The following MAGI2 variants were observed in gnomAD, a reference collection of about 807,000 sequenced individuals.
MAGI2 encodes the protein membrane associated guanylate kinase, WW and PDZ domain containing 2.
MAGI2 carries 35 observed loss-of-function variants against 133.3 expected under a neutral mutation model. The ratio of observed to expected loss-of-function variants is 0.26; its 90% confidence interval spans 0.20 to 0.35. The LOEUF is 0.35. MAGI2 is among the 10% of genes least tolerant of loss of function. The pLI is 1.00. For missense variants in MAGI2, 1,636 were observed against 1,863.4 expected, an observed-to-expected ratio of 0.88 and a Z score of 2.25; for synonymous variants, 729 against 710.6, an observed-to-expected ratio of 1.03 and a Z score of -0.41.
At chr7:78,282,740 C>G (rs1795748225) in intron 9 of MAGI2, among the ~76,000 whole-genome samples, 1 of 152,022 alleles carries the variant, frequency 6.6e-6, no homozygotes, top group Admixed American at 6.6e-5. Context: ...GGTGATTCAA[C>G]TGATCAATCT....
intron 6 of MAGI2, among the ~76,000 whole-genome samples, chr7:78,394,620 C>G (rs1219054650): frequency 6.6e-6 from 1 of 152,228 alleles, no homozygotes; most frequent in Non-Finnish European, 1.5e-5. Context: ...GACCACCATT[C>G]TTAGCAAAAT....
intron 6 of MAGI2, among the ~76,000 whole-genome samples, chr7:78,398,408 C>T (rs906556164): frequency 9.2e-5 from 14 of 152,158 alleles, no homozygotes; most frequent in South Asian, 4.2e-4. Context: ...ACGAGTCTAC[C>T]GTCTCTTATT....
chr7:78,463,582 C>T (rs148368435), intron 6 of MAGI2, among the ~76,000 whole-genome samples: 5 of 152,116 alleles, frequency 3.3e-5, no homozygotes, highest in Admixed American at 3.3e-4. Context: ...GGAGTAGATG[C>T]TACCATGTGA....
intron 15 of MAGI2, among the ~76,000 whole-genome samples, chr7:78,163,469 C>T (rs371694783): frequency 3.9e-4 from 60 of 152,162 alleles, no homozygotes; most frequent in African/African-American, 1.4e-3. Context: ...TAAGCTGTTT[C>T]GTCTCCACCA....
At chr7:78,203,012 A>G (rs776269492) in intron 10 of MAGI2, among the ~76,000 whole-genome samples, 1 of 152,236 alleles carries the variant, frequency 6.6e-6, no homozygotes, top group Non-Finnish European at 1.5e-5. Context: ...CATGAGTTTA[A>G]AAGTGAAACA....
At chr7:79,334,499 G>T (rs1236698141) in intron 1 of MAGI2, among the ~76,000 whole-genome samples, 2 of 152,034 alleles carry the variant, frequency 1.3e-5, no homozygotes, top group Non-Finnish European at 2.9e-5. Flanking sequence ...AGCAACATCT[G>T]GTACCACTGG....
chr7:78,500,663 C>T (rs906901297), intron 5 of MAGI2, among the ~76,000 whole-genome samples: 1 of 152,116 alleles, frequency 6.6e-6, no homozygotes, highest in South Asian at 2.1e-4. Context: ...TCAGGATTTG[C>T]ACTACAGTTT....
chr7:78,681,751 A>G (rs1314058315), intron 2 of MAGI2, among the ~76,000 whole-genome samples: 1 of 152,194 alleles, frequency 6.6e-6, no homozygotes, highest in Non-Finnish European at 1.5e-5. Context: ...TTGACAGAGT[A>G]AGGAGAGAAG....
At chr7:79,448,745 C>T (rs1282469450) in intron 1 of MAGI2, among the ~76,000 whole-genome samples, 1 of 151,984 alleles carries the variant, frequency 6.6e-6, no homozygotes, top group African/African-American at 2.4e-5. Context: ...TGTGAATATG[C>T]TTTTCTCATT....
At chr7:78,040,331 G>A (rs1345619307) in intron 21 of MAGI2, among the ~76,000 whole-genome samples, 1 of 125,516 alleles carries the variant, frequency 8.0e-6, no homozygotes, top group Non-Finnish European at 1.8e-5. Flanking sequence ...TCCAAGCAGA[G>A]CGAGGATGAG....
chr7:78,423,501 T>C (rs557449935), intron 6 of MAGI2, among the ~76,000 whole-genome samples: 3 of 152,306 alleles, frequency 2.0e-5, no homozygotes, highest in Non-Finnish European at 4.4e-5. Context: ...GCTGAAAAGA[T>C]ACCTGAAAAT....
intron 3 of MAGI2, 133 bp downstream of exon 3, chr7:78,626,987 A>T (rs1053655333): frequency 1.3e-4 from 95 of 741,196 alleles, no homozygotes; most frequent in South Asian, 5.6e-4. Context: ...TTTAGGATAC[A>T]TTTCTAAACT....
chr7:79,248,407 T>C (rs1832971975), intron 1 of MAGI2, among the ~76,000 whole-genome samples: 2 of 152,148 alleles, frequency 1.3e-5, no homozygotes, highest in Non-Finnish European at 2.9e-5. Context: ...TAGACCCCAA[T>C]ACAATAACAG....
chr7:78,022,341 C>G lies in MAGI2; in HGVS notation c.3707-2365G>C, dbSNP rs995801964. 3.9e-5 allele frequency among the ~76,000 whole-genome samples: 6 copies of G among 152,208 alleles called. No individual in the cohort carries two copies. The South Asian group carries it at 1.0e-3, about 26-fold the overall frequency. ...AATGATATTTCACATTTTAATAGCT[C>G]TTTTCCCCATCATTACATCACATAT... On this transcript the variant is annotated intron_variant, in intron 21 of 21. Transcript: ENST00000354212.
chr7:78,862,640 A>C (rs1409205413), intron 2 of MAGI2, among the ~76,000 whole-genome samples: 1 of 152,218 alleles, frequency 6.6e-6, no homozygotes, highest in Admixed American at 6.5e-5. Flanking sequence ...TGTTCTCTCA[A>C]GCATAGAGTT....
At chr7:79,450,753 GTCC>G (rs775512530) in intron 1 of MAGI2, among the ~76,000 whole-genome samples, 1 of 152,050 alleles carries the variant, frequency 6.6e-6, no homozygotes, top group Admixed American at 6.6e-5. Flanking sequence ...TCTAATCCAG[GTCC>G]TCATCTTATA....
Position 78,125,800 on chromosome 7 carries a change from G to T in MAGI2, c.3461C>A (p.Ala1154Asp). 1 of 1,614,076 alleles carries T rather than the reference G, an allele frequency of 6.2e-7. No homozygotes were observed. The highest frequency in any genetic ancestry group is 8.5e-7 in the Non-Finnish European group (1 of 1,180,006). ...DYFTVDMEKG[A>D]KGFGFSIRGG... is the part of the protein sequence containing the mutation. ...ACGAATGCTGAATCCAAATCCTTTG[G>T]CTCCTTTCTCCATGTCCACAGTGAA... The change falls in exon 20 of 22, where the codon GCC (alanine) becomes GAC (aspartate). Residue 1154 changes from alanine (A) to aspartate (D), a missense_variant. This residue lies in a region of MAGI2 where 49 missense variants were observed against 103.8 expected (regional missense o/e 0.47). Transcript: ENST00000354212.
At chr7:78,033,838 G>A (rs1375391365) in intron 21 of MAGI2, among the ~76,000 whole-genome samples, 2 of 152,156 alleles carry the variant, frequency 1.3e-5, no homozygotes, top group Non-Finnish European at 2.9e-5. Context: ...AGAGGTGGAA[G>A]CTCAGAAGGC....
intron 21 of MAGI2, among the ~76,000 whole-genome samples, chr7:78,028,032 G>A (rs1283559029): frequency 4.6e-5 from 7 of 152,314 alleles, no homozygotes; most frequent in African/African-American, 1.4e-4. Context: ...GTAATGTGAA[G>A]TCATTTGGCA....
Sources: allele counts gnomAD v4.1 joint callset (sites outside exome capture counted in the v4.1 genomes callset), GRCh38; gene constraint gnomAD v4.1.1; regional missense constraint gnomAD v4.1.1; transcripts MANE v1.5; gene names NCBI Gene and HGNC (gene_info 2026-07-23, HGNC 2026-07-21).